The following CTCF variants were observed in gnomAD, a reference collection of about 807,000 sequenced individuals.
CTCF encodes the protein CCCTC-binding factor.
A neutral mutation model predicts 72.3 loss-of-function variants in CTCF; 7 were observed. The observed-to-expected ratio is 0.10, with a 90% CI of 0.06 to 0.18. CTCF has a LOEUF of 0.18. Among genes scored for constraint, CTCF ranks in the 10% least tolerant of loss-of-function variants. The pLI is 1.00. For missense variants in CTCF, 516 were observed against 949.1 expected (o/e 0.54, Z 6.00); for synonymous variants, 374 against 315.8 (o/e 1.18, Z -1.95).
intron 10 of CTCF, among the ~76,000 whole-genome samples, chr16:67,634,502 C>A (rs1199761419): frequency 1.3e-5 from 2 of 149,066 alleles, no homozygotes; most frequent in African/African-American, 5.0e-5. Context: ...GCCACCATGC[C>A]CAGCCTAAAT....
chr16:67,573,783 A>G (rs1318493402), intron 2 of CTCF, among the ~76,000 whole-genome samples: 2 of 152,172 alleles, frequency 1.3e-5, no homozygotes, highest in South Asian at 2.1e-4. Context: ...CTGTAATCCT[A>G]GCACTTTGGG....
At chr16:67,626,051 C>T (rs930290291) in intron 7 of CTCF, among the ~76,000 whole-genome samples, 2 of 152,078 alleles carry the variant, frequency 1.3e-5, no homozygotes, top group Non-Finnish European at 2.9e-5. Context: ...CTTCTCCCAC[C>T]TATCCTGTTT....
At position 67,599,403 on chromosome 16, in the gene CTCF, A is replaced by G. The variant is rs541598197; in HGVS notation, c.-9-11421A>G. On this transcript the variant is annotated intron_variant, in intron 2 of 11. Transcript: ENST00000264010. ...GAACGAGAATCTGTCTCAAAGAAAA[A>G]TAAGTGGCTGAAGCAAGAGGAGGAA... Among the ~76,000 whole-genome samples the G allele has an allele frequency of 3.0e-3, 457 of 152,234 alleles. 3 individuals are homozygous for G. The highest frequency in any genetic ancestry group is 0.01 in the African/African-American group (434 of 41,556).
chr16:67,636,025 A>G (rs1281531569), intron 10 of CTCF, among the ~76,000 whole-genome samples: 2 of 152,044 alleles, frequency 1.3e-5, no homozygotes, highest in African/African-American at 2.4e-5. Flanking sequence ...TGAGGTCAGG[A>G]GTTTGAGACC....
At chr16:67,624,972 T>A (rs970150311) in intron 7 of CTCF, among the ~76,000 whole-genome samples, 1 of 152,192 alleles carries the variant, frequency 6.6e-6, no homozygotes, top group Non-Finnish European at 1.5e-5. Context: ...TCACCCAGGC[T>A]GGAGTAGAGT....
chr16:67,623,651 T>C (rs2142854548), intron 7 of CTCF, among the ~76,000 whole-genome samples: 1 of 150,614 alleles, frequency 6.6e-6, no homozygotes, highest in Non-Finnish European at 1.5e-5. Flanking sequence ...AAAAGAATCT[T>C]AGCCAGACAC....
intron 2 of CTCF, among the ~76,000 whole-genome samples, chr16:67,576,015 G>A (rs73595564): frequency 0.042 from 6,151 of 147,826 alleles, 424 homozygotes; most frequent in African/African-American, 0.14. Flanking sequence ...AAAAAATGTA[G>A]CCAGGTGTGG....
intron 8 of CTCF, chr16:67,627,002 G>C: frequency 3.9e-6 from 1 of 256,124 alleles, no homozygotes; most frequent in Non-Finnish European, 7.4e-6. Flanking sequence ...CTCATGCGGG[G>C]ACATGACTGT....
At chr16:67,623,840 G>A (rs569685864) in intron 7 of CTCF, among the ~76,000 whole-genome samples, 64 of 152,164 alleles carry the variant, frequency 4.2e-4, no homozygotes, top group Non-Finnish European at 7.9e-4. Context: ...ACAAGGTCAG[G>A]AGATGAAGAC....
chr16:67,629,471 A>G lies in CTCF; in HGVS notation c.1775A>G (p.Lys592Arg). 6.2e-7 allele frequency: 1 copy of G among 1,613,650 alleles called. No individual in the cohort carries two copies. The highest frequency in any genetic ancestry group is 8.5e-7 in the Non-Finnish European group (1 of 1,179,824). ...GVEGENGGET[K>R]KSKRGRKRKM... ...GAGGGGGAAAATGGAGGAGAAACGA[A>G]GAAGAGTAAACGTGGAAGAAAAAGA... Residue 592 changes from lysine (K) to arginine (R), a missense_variant, in exon 10 of 12, where the codon AAG becomes AGG. This residue lies in a region of CTCF where 157 missense variants were observed against 172.9 expected (regional missense o/e 0.91). Transcript: ENST00000264010.
At chr16:67,624,139 GTGTGTGTATATA>G (rs1441665357) in intron 7 of CTCF, among the ~76,000 whole-genome samples, 68 of 147,364 alleles carry the variant, frequency 4.6e-4, no homozygotes, top group African/African-American at 1.5e-3. Flanking sequence ...ATATATGTGT[GTGTGTGTATATA>G]TGTGTGTATA....
In CTCF at chr16:67,621,654, G is replaced by A. The variant is rs2052200042; in HGVS notation, c.1357+63G>A. The A allele has an allele frequency of 2.4e-6, 3 of 1,265,304 alleles. No individual in the cohort carries two copies. In the South Asian group the frequency reaches 4.3e-5, roughly 18 times the overall value. 78.4% of individuals were successfully genotyped at this position (1,265,304 alleles called of 1,614,324 possible). On this transcript the variant is annotated intron_variant, in intron 7 of 11. Coordinates refer to ENST00000264010, the MANE Select transcript of CTCF (RefSeq NM_006565.4). ...TTGAAGGATTTATATTTCGAAATAT[G>A]GGGATCAAAAATAACTTCACCTTCT...
At position 67,586,620 on chromosome 16, in the gene CTCF, CT is replaced by C. The variant is rs1198968540; in HGVS notation, c.-10+15357del. Among the ~76,000 whole-genome samples the C allele has an allele frequency of 5.9e-5, 9 of 152,006 alleles. No homozygotes were observed. In the East Asian group the frequency reaches 1.7e-3, roughly 29 times the overall value. ...GAGGCACAAGAATTGCTTGAACCCC[CT>C]GGGAGGTGGAGGTTCCAGACTGTGT... On this transcript the variant is annotated intron_variant, in intron 2 of 11. Coordinates refer to ENST00000264010, the MANE Select transcript of CTCF (RefSeq NM_006565.4).
intron 2 of CTCF, among the ~76,000 whole-genome samples, chr16:67,605,539 G>T (rs749501600): frequency 6.6e-6 from 1 of 152,184 alleles, no homozygotes; most frequent in African/African-American, 2.4e-5. Context: ...ACAACCTCGG[G>T]AGTTTACCTT....
intron 5 of CTCF, among the ~76,000 whole-genome samples, chr16:67,617,227 G>A (rs2052143632): frequency 6.6e-6 from 1 of 152,082 alleles, no homozygotes; most frequent in Admixed American, 6.6e-5. Flanking sequence ...GGCTGGGCCT[G>A]GTGGCTCACA....
intron 2 of CTCF, among the ~76,000 whole-genome samples, chr16:67,591,727 G>T (rs2051746631): frequency 6.6e-6 from 1 of 151,976 alleles, no homozygotes; most frequent in Admixed American, 6.6e-5. Context: ...TTTTTGGGGG[G>T]GGGCAGTAAG....
chr16:67,584,653 AGTG>A (rs1042336928), intron 2 of CTCF, among the ~76,000 whole-genome samples: 4 of 151,810 alleles, frequency 2.6e-5, no homozygotes, highest in African/African-American at 9.7e-5. Flanking sequence ...TAAACTGTAA[AGTG>A]GTGATACTGG....
chr16:67,629,599 A>G (rs1177151003), intron 10 of CTCF, 66 bp downstream of exon 10: 8 of 1,541,876 alleles, frequency 5.2e-6, no homozygotes, highest in South Asian at 3.6e-5. Flanking sequence ...CAGTGTGTTT[A>G]TGTATGGATA....
chr16:67,600,120 T>G (rs1453031796), intron 2 of CTCF, among the ~76,000 whole-genome samples: 3 of 152,102 alleles, frequency 2.0e-5, no homozygotes, highest in Non-Finnish European at 4.4e-5. Context: ...GGCCCTTGGG[T>G]TGACTCTGGT....
Sources: allele counts gnomAD v4.1 joint callset (sites outside exome capture counted in the v4.1 genomes callset), GRCh38; gene constraint gnomAD v4.1.1; regional missense constraint gnomAD v4.1.1; transcripts MANE v1.5; gene names NCBI Gene and HGNC (gene_info 2026-07-23, HGNC 2026-07-21).